Variants in GSTO2 observed in about 807,000 individuals in gnomAD.
GSTO2 encodes the protein glutathione S-transferase omega-2.
In GSTO2, 23 loss-of-function variants were observed where a neutral mutation model predicts 28.4. The ratio of observed to expected loss-of-function variants is 0.81; its 90% confidence interval spans 0.58 to 1.15. The LOEUF (loss-of-function observed/expected upper bound fraction) is 1.15. GSTO2 is among the 50% of genes most tolerant of loss of function. GSTO2 has a pLI of 0.00. For synonymous variants in GSTO2, 109 were observed against 111.0 expected, an observed-to-expected ratio of 0.98 and a Z score of 0.11; for missense variants, 298 against 297.8, an observed-to-expected ratio of 1.00 and a Z score of 0.00.
chr10:104,274,186 T>C (rs2011527996), intron 1 of GSTO2, among the ~76,000 whole-genome samples: 1 of 152,164 alleles, frequency 6.6e-6, no homozygotes, highest in Non-Finnish European at 1.5e-5. Context: ...GCTCACAAAT[T>C]GTTCTTTGCC....
rs901441034 is a variant in GSTO2 at position 104,299,588 on chromosome 10, G to A, written c.*304G>A. On this transcript the variant is annotated 3_prime_UTR_variant, in exon 7 of 7. Transcript: ENST00000338595. Reference sequence around the variant, plus strand: ...ACTCCTGGGCTCAGTTGATTCTCCCGCCTCAGCCTCCTGAGAAGCTAGGAC... The same window carrying A: ...ACTCCTGGGCTCAGTTGATTCTCCCACCTCAGCCTCCTGAGAAGCTAGGAC... 3.6e-5 allele frequency: 11 copies of A among 308,806 alleles called. No individual in the cohort carries two copies. Among genetic ancestry groups the A allele is most frequent in the Admixed American group, 1.1e-4 (2 of 18,124 alleles). The allele number at this position is 308,806 out of a possible 1,614,324, so 19.1% of individuals were successfully genotyped here. A position where few individuals can be genotyped will look rare whatever the true frequency, so the allele number is the denominator to read the frequency against.
intron 5 of GSTO2, among the ~76,000 whole-genome samples, chr10:104,294,743 G>A (rs2012946113): frequency 6.6e-6 from 1 of 152,162 alleles, no homozygotes; most frequent in South Asian, 2.1e-4. Flanking sequence ...TTTTTATTGT[G>A]CCGAGTACCT....
At chr10:104,270,252 A>G (rs2011328298) in intron 1 of GSTO2, among the ~76,000 whole-genome samples, 2 of 152,050 alleles carry the variant, frequency 1.3e-5, no homozygotes, top group Admixed American at 6.5e-5. Context: ...TGACCTCGTG[A>G]TCCGCCCGCC....
At chr10:104,289,362 C>G (rs1298772218) in intron 5 of GSTO2, among the ~76,000 whole-genome samples, 2 of 152,166 alleles carry the variant, frequency 1.3e-5, no homozygotes, top group Admixed American at 6.5e-5. Context: ...TCCCAAAGTA[C>G]TAGGATAAAA....
intron 5 of GSTO2, among the ~76,000 whole-genome samples, chr10:104,286,844 A>G (rs966099230): frequency 6.6e-6 from 1 of 152,124 alleles, no homozygotes; most frequent in African/African-American, 2.4e-5. Flanking sequence ...CTCTTCTCCA[A>G]TTATAAAGTA....
chr10:104,274,499 GA>G (rs950453293), intron 1 of GSTO2, among the ~76,000 whole-genome samples, 185 bp from the exon 2 acceptor site: 2 of 151,086 alleles, frequency 1.3e-5, no homozygotes, highest in Non-Finnish European at 3.0e-5. Context: ...TTCAGAATGG[GA>G]AAAAAAAAGT....
intron 5 of GSTO2, among the ~76,000 whole-genome samples, chr10:104,280,476 G>C (rs1159206253): frequency 6.6e-6 from 1 of 152,176 alleles, no homozygotes; most frequent in African/African-American, 2.4e-5. Context: ...TCGTTGGCCA[G>C]AACTTAGTTG....
chr10:104,304,812 G>C lies in GSTO2; in HGVS notation c.*5528G>C, dbSNP rs2013352600. On this transcript the variant is annotated 3_prime_UTR_variant, in exon 7 of 7. Coordinates refer to ENST00000338595, the MANE Select transcript of GSTO2 (RefSeq NM_183239.2). Reference sequence around the variant, plus strand: ...GTGTGCAGGTTTAATCTCAACCTGTGATCCCTTGAAAGCTGCAATTTTATC... The same window carrying C: ...GTGTGCAGGTTTAATCTCAACCTGTCATCCCTTGAAAGCTGCAATTTTATC... 1 of 152,176 alleles carries C rather than the reference G, an allele frequency of 6.6e-6. No individual in the cohort carries two copies. The highest frequency in any genetic ancestry group is 6.6e-5 in the Admixed American group (1 of 15,266). 9.4% of individuals were successfully genotyped at this position (152,176 alleles called of 1,614,324 possible).
intron 5 of GSTO2, among the ~76,000 whole-genome samples, chr10:104,292,201 CTTTT>C (rs35690921): frequency 7.2e-6 from 1 of 138,000 alleles, no homozygotes; most frequent in Admixed American, 7.3e-5. Flanking sequence ...TGGCCAATAT[CTTTT>C]TTTTTTTTTT....
chr10:104,293,563 A>AATTTTTTTTTTTTTTTTTTTT (rs2012876851), intron 5 of GSTO2, among the ~76,000 whole-genome samples: 1 of 81,652 alleles, frequency 1.2e-5, no homozygotes, highest in African/African-American at 6.2e-5. Flanking sequence ...CGCCTGGCCA[A>AATTTTTTTTTTTTTTTTTTTT]TTTTTTTTTT....
At chr10:104,273,201 G>C (rs2011494160) in intron 1 of GSTO2, among the ~76,000 whole-genome samples, 3 of 152,272 alleles carry the variant, frequency 2.0e-5, no homozygotes, top group Admixed American at 6.5e-5. Flanking sequence ...TAGCTCCAAA[G>C]TAGTAGAAGT....
At chr10:104,292,091 A>C (rs965692408) in intron 5 of GSTO2, among the ~76,000 whole-genome samples, 5 of 152,182 alleles carry the variant, frequency 3.3e-5, no homozygotes, top group African/African-American at 1.2e-4. Flanking sequence ...GAAGAAAAAC[A>C]CTTTCTAAGT....
chr10:104,286,909 A>G (rs1344795181), intron 5 of GSTO2, among the ~76,000 whole-genome samples: 2 of 147,230 alleles, frequency 1.4e-5, no homozygotes, highest in Non-Finnish European at 3.0e-5. Context: ...GAAACTAAGG[A>G]AAAAAAATTA....
intron 1 of GSTO2, among the ~76,000 whole-genome samples, chr10:104,271,563 G>A (rs943992342): frequency 6.6e-6 from 1 of 152,224 alleles, no homozygotes; most frequent in African/African-American, 2.4e-5. Context: ...CCAAAGCTGG[G>A]TCTCAAAAAG....
At chr10:104,277,850 G>C in intron 3 of GSTO2, 44 bp from the exon 4 acceptor site, 3 of 1,306,728 alleles carry the variant, frequency 2.3e-6, no homozygotes, top group Non-Finnish European at 3.3e-6. Flanking sequence ...GCCTGCAGAT[G>C]CCTCTCATTT....
intron 5 of GSTO2, 147 bp downstream of exon 5, chr10:104,279,618 C>T (rs915526562): frequency 4.9e-6 from 3 of 613,206 alleles, no homozygotes; most frequent in African/African-American, 3.7e-5. Context: ...TGCATGTTTG[C>T]CCTCCTCTAA....
rs2013177594 is a variant in GSTO2 at position 104,299,159 on chromosome 10, T to C, written c.607T>C (p.Trp203Arg). 2.5e-6 allele frequency: 4 copies of C among 1,614,116 alleles called. No individual in the cohort carries two copies. In the Admixed American group the frequency reaches 5.0e-5, roughly 20 times the overall value. Residue 203 changes from tryptophan to arginine, a missense_variant, in exon 7 of 7, where the codon TGG (tryptophan) becomes CGG (arginine). Trp to Arg is a moderately radical substitution (Grantham distance 101, BLOSUM62 -3). Coordinates refer to ENST00000338595, the MANE Select transcript of GSTO2 (RefSeq NM_183239.2). Reference sequence around the variant, plus strand: ...GAGCCACACGCCAGCCCTGCGGCTCTGGATATCAGCCATGAAGTGGGACCC... The same window carrying C: ...GAGCCACACGCCAGCCCTGCGGCTCCGGATATCAGCCATGAAGTGGGACCC... The part of the protein sequence containing the change: ...CVSHTPALRL[W>R]ISAMKWDPTV...
rs979964912 is a variant in GSTO2, at chr10:104,301,265, A to G, written c.*1981A>G. ...GGAAATGGCATGCCTCTGGCTCACCAAAATGAAGGTGTTCTCTTTTGGGGC... is the reference window on the plus strand; with the variant it reads ...GGAAATGGCATGCCTCTGGCTCACCGAAATGAAGGTGTTCTCTTTTGGGGC... On this transcript the variant is annotated 3_prime_UTR_variant, in exon 7 of 7. Coordinates refer to ENST00000338595, the MANE Select transcript of GSTO2 (RefSeq NM_183239.2). The G allele has an allele frequency of 2.0e-5, 3 of 152,366 alleles. No individual in the cohort carries two copies. Among genetic ancestry groups the G allele is most frequent in the Non-Finnish European group, 2.9e-5 (2 of 68,040 alleles). 9.4% of individuals were successfully genotyped at this position (152,366 alleles called of 1,614,324 possible).
rs989623584 is a variant in GSTO2, at chr10:104,303,161, T to G, written c.*3877T>G. 6.6e-6 allele frequency: 1 copy of G among 152,230 alleles called. No homozygotes were observed. Among genetic ancestry groups the G allele is most frequent in the Non-Finnish European group, 1.5e-5 (1 of 68,036 alleles). The allele number at this position is 152,230 out of a possible 1,614,324, so 9.4% of individuals were successfully genotyped here. A position where few individuals can be genotyped will look rare whatever the true frequency, so the allele number is the denominator to read the frequency against. ...TATTGTTACCCTCCACATGTCCATG[T>G]GTTCTCATGATTTAGCTCCCACTTA... On this transcript the variant is annotated 3_prime_UTR_variant, in exon 7 of 7. Coordinates refer to ENST00000338595, the MANE Select transcript of GSTO2 (RefSeq NM_183239.2).
Sources: allele counts gnomAD v4.1 joint callset (sites outside exome capture counted in the v4.1 genomes callset), GRCh38; gene constraint gnomAD v4.1.1; transcripts MANE v1.5; gene names NCBI Gene and HGNC (gene_info 2026-07-23, HGNC 2026-07-21).